GLI3: variants seen among roughly 807,000 people sequenced by gnomAD.
The protein encoded by GLI3 is transcription activator GLI3.
GLI3 carries 20 observed loss-of-function variants against 100.8 expected under a neutral mutation model. That is an observed-to-expected ratio of 0.20 (90% CI 0.14 to 0.29). The LOEUF is 0.29. Ranked by LOEUF, GLI3 falls within the 10% of genes least tolerant of loss-of-function variation. The pLI is 1.00. For missense variants in GLI3, 2,040 were observed against 2,128.5 expected (o/e 0.96, Z 0.82); for synonymous variants, 938 against 860.5 (o/e 1.09, Z -1.58).
At chr7:42,178,299 C>T (rs951071563) in intron 2 of GLI3, among the ~76,000 whole-genome samples, 2 of 152,218 alleles carry the variant, frequency 1.3e-5, no homozygotes, top group African/African-American at 2.4e-5. Flanking sequence ...AGCTTACCAT[C>T]ATATCAGTAA....
intron 10 of GLI3, among the ~76,000 whole-genome samples, chr7:41,999,191 A>G (rs539181824): frequency 6.6e-6 from 1 of 152,312 alleles, no homozygotes; most frequent in South Asian, 2.1e-4. Flanking sequence ...TAAGAAAAAA[A>G]ATGAGACCAT....
intron 7 of GLI3, among the ~76,000 whole-genome samples, chr7:42,027,916 G>A (rs1199953143): frequency 6.6e-6 from 1 of 152,208 alleles, no homozygotes; most frequent in African/African-American, 2.4e-5. Context: ...CCAAAAGCAA[G>A]CATGAATGAT....
Position 41,965,558 on chromosome 7 carries a change from A to T in GLI3, c.3515T>A (p.Leu1172Gln). 6.2e-7 allele frequency: 1 copy of T among 1,604,784 alleles called. No homozygotes were observed. The highest frequency in any genetic ancestry group is 8.5e-7 in the Non-Finnish European group (1 of 1,172,630). Reference sequence around the variant, plus strand: ...CCCACACTTGAGCTTGGAGGAGGACAGGTCGGCGCTTCCGGAGCTGACTTC... The same window carrying T: ...CCCACACTTGAGCTTGGAGGAGGACTGGTCGGCGCTTCCGGAGCTGACTTC... ...WNEVSSGSAD[L>Q]SSSKLKCGPR... is the part of the protein sequence containing the mutation. The change falls in exon 15 of 15, where the codon CTG becomes CAG. Residue 1172 changes from leucine (L) to glutamine (Q), a missense_variant. Leu to Gln is a moderately radical substitution (Grantham distance 113). Around this residue, in one of 5 missense-constraint regions of GLI3, gnomAD observed 1,041 missense variants for 924.0 expected, o/e 1.13. Coordinates refer to ENST00000395925, the MANE Select transcript of GLI3 (RefSeq NM_000168.6).
intron 5 of GLI3, among the ~76,000 whole-genome samples, chr7:42,047,978 G>A (rs1784278953): frequency 6.6e-6 from 1 of 152,120 alleles, no homozygotes; most frequent in African/African-American, 2.4e-5. Context: ...GTTTTATCAG[G>A]CTCCCCAGGT....
At chr7:41,996,029 A>T (rs1004827702) in intron 10 of GLI3, among the ~76,000 whole-genome samples, 3 of 152,170 alleles carry the variant, frequency 2.0e-5, no homozygotes, top group Non-Finnish European at 4.4e-5. Flanking sequence ...GTAAATGGTA[A>T]ATTTGCTCTG....
chr7:42,004,396 T>A (rs1163766095), intron 10 of GLI3, among the ~76,000 whole-genome samples: 1 of 151,956 alleles, frequency 6.6e-6, no homozygotes, highest in Non-Finnish European at 1.5e-5. Context: ...ACCCAAGACA[T>A]AAAATACAGA....
chr7:42,149,029 G>A (rs747480415), intron 2 of GLI3, among the ~76,000 whole-genome samples: 1 of 152,182 alleles, frequency 6.6e-6, no homozygotes, highest in African/African-American at 2.4e-5. Flanking sequence ...AGTCAGATTT[G>A]TAACCCAGCA....
chr7:42,179,764 T>C (rs910530915), intron 2 of GLI3, among the ~76,000 whole-genome samples: 9 of 152,056 alleles, frequency 5.9e-5, no homozygotes, highest in Non-Finnish European at 1.2e-4. Context: ...GTGGGGAATA[T>C]GGTTCCAATG....
At chr7:42,163,679 C>T (rs1787180330) in intron 2 of GLI3, among the ~76,000 whole-genome samples, 1 of 152,202 alleles carries the variant, frequency 6.6e-6, no homozygotes, top group Non-Finnish European at 1.5e-5. Context: ...ATCCACCCGC[C>T]TCAGCCTCCC....
At chr7:41,976,857 C>CA (rs893494619) in intron 12 of GLI3, among the ~76,000 whole-genome samples, 3 of 152,184 alleles carry the variant, frequency 2.0e-5, no homozygotes, top group Admixed American at 2.0e-4. Context: ...AAAATGTAAG[C>CA]AATGAATTTG....
chr7:42,196,379 G>A (rs1787928510), intron 2 of GLI3, among the ~76,000 whole-genome samples: 1 of 152,164 alleles, frequency 6.6e-6, no homozygotes, highest in African/African-American at 2.4e-5. Context: ...GATGGGAGGG[G>A]CCAGCTTTAC....
chr7:42,157,780 A>G (rs1004615436), intron 2 of GLI3, among the ~76,000 whole-genome samples: 3 of 152,218 alleles, frequency 2.0e-5, no homozygotes, highest in Admixed American at 6.5e-5. Flanking sequence ...AAGTACATAC[A>G]AATTGAAAAA....
At chr7:42,028,562 G>A (rs1465492947) in intron 7 of GLI3, among the ~76,000 whole-genome samples, 6 of 152,032 alleles carry the variant, frequency 3.9e-5, no homozygotes, top group African/African-American at 1.2e-4. Context: ...TCAGGAGTTC[G>A]AGACAAGCCT....
At position 42,074,755 on chromosome 7, in the gene GLI3, G is replaced by A. The variant is rs999087574; in HGVS notation, c.473+1997C>T. Reference sequence around the variant, plus strand: ...CATAAGCTCACCATTCTCTGTGCCCGCAGCAATGATATTCCCTCTCAGAAT... The same window carrying A: ...CATAAGCTCACCATTCTCTGTGCCCACAGCAATGATATTCCCTCTCAGAAT... On this transcript the variant is annotated intron_variant, in intron 4 of 14. Transcript: ENST00000395925. Among the ~76,000 whole-genome samples, 8 of 152,264 alleles carry A rather than the reference G, an allele frequency of 5.3e-5. No homozygotes were observed. In the South Asian group the frequency reaches 8.3e-4, roughly 16 times the overall value.
chr7:42,209,177 C>T (rs1788214184), intron 2 of GLI3, among the ~76,000 whole-genome samples: 1 of 152,118 alleles, frequency 6.6e-6, no homozygotes, highest in Non-Finnish European at 1.5e-5. Context: ...CCTCAGCCTC[C>T]CAAGTAGCTG....
intron 3 of GLI3, among the ~76,000 whole-genome samples, chr7:42,116,983 C>A (rs1331098443): frequency 6.6e-6 from 1 of 152,210 alleles, no homozygotes; most frequent in South Asian, 2.1e-4. Context: ...CACTTGTGAA[C>A]TAAACAGTGT....
chr7:41,977,412 A>G, intron 12 of GLI3, 146 bp downstream of exon 12: 1 of 804,722 alleles, frequency 1.2e-6, no homozygotes. Flanking sequence ...AGGAAGCTCA[A>G]GCCTTCACCT....
At chr7:42,194,965 C>A (rs1583638252) in intron 2 of GLI3, among the ~76,000 whole-genome samples, 1 of 151,928 alleles carries the variant, frequency 6.6e-6, no homozygotes, top group African/African-American at 2.4e-5. Context: ...CAGGGTTTCA[C>A]CATGTTGGTC....
intron 10 of GLI3, among the ~76,000 whole-genome samples, chr7:42,020,522 A>G (rs1276847603): frequency 1.3e-5 from 2 of 152,096 alleles, no homozygotes; most frequent in Non-Finnish European, 2.9e-5. Flanking sequence ...TAAGAGGGGG[A>G]AAAAGAATGG....
Sources: allele counts gnomAD v4.1 joint callset (sites outside exome capture counted in the v4.1 genomes callset), GRCh38; gene constraint gnomAD v4.1.1; regional missense constraint gnomAD v4.1.1; transcripts MANE v1.5; gene names NCBI Gene and HGNC (gene_info 2026-07-23, HGNC 2026-07-21).